Variants in GLP2R observed in about 807,000 individuals in gnomAD.
The protein encoded by GLP2R is glucagon-like peptide 2 receptor.
A neutral mutation model predicts 68.2 loss-of-function variants in GLP2R; 59 were observed. The observed-to-expected ratio is 0.87, with a 90% CI of 0.70 to 1.07. The LOEUF is 1.07. GLP2R is among the 50% of genes least tolerant of loss of function. GLP2R has a pLI of 0.00. For missense variants in GLP2R, 548 were observed against 677.4 expected (o/e 0.81, Z 2.12); for synonymous variants, 270 against 265.4 (o/e 1.02, Z -0.17).
In GLP2R at chr17:9,890,179, C is replaced by G; in HGVS notation, c.*474C>G. 2.5e-6 allele frequency: 1 copy of G among 395,520 alleles called. No homozygotes were observed. Among genetic ancestry groups the G allele is most frequent in the Non-Finnish European group, 5.0e-6 (1 of 201,136 alleles). The allele number at this position is 395,520 out of a possible 1,614,324, so 24.5% of individuals were successfully genotyped here. A position where few individuals can be genotyped will look rare whatever the true frequency, so the allele number is the denominator to read the frequency against. ...TAAGACAGTGAGTCTGGGACCATGGCCAGGAATTGGAGCTGTTTAATAAGC... is the reference window on the plus strand; with the variant it reads ...TAAGACAGTGAGTCTGGGACCATGGGCAGGAATTGGAGCTGTTTAATAAGC... On this transcript the variant is annotated 3_prime_UTR_variant, in exon 13 of 13. Transcript: ENST00000262441.
At chr17:9,884,587 T>G (rs1183088360) in intron 11 of GLP2R, among the ~76,000 whole-genome samples, 2 of 152,118 alleles carry the variant, frequency 1.3e-5, no homozygotes, top group African/African-American at 4.8e-5. Flanking sequence ...GTGCTGAGAT[T>G]TCGTACACAG....
At chr17:9,871,005 C>T (rs1266742983) in intron 10 of GLP2R, among the ~76,000 whole-genome samples, 170 bp downstream of exon 10, 1 of 152,082 alleles carries the variant, frequency 6.6e-6, no homozygotes, top group Non-Finnish European at 1.5e-5. Context: ...TGGTGAGGAC[C>T]TTCTATGACG....
In GLP2R at chr17:9,855,027, T is replaced by C. The variant is rs527964740; in HGVS notation, c.611+426T>C. ...AGCACATAATTTAAAACTCATGAACTATTTATTTAATTATTTATTTCTGGA... is the reference window on the plus strand; with the variant it reads ...AGCACATAATTTAAAACTCATGAACCATTTATTTAATTATTTATTTCTGGA... On this transcript the variant is annotated intron_variant, in intron 5 of 12. Coordinates refer to ENST00000262441, the MANE Select transcript of GLP2R (RefSeq NM_004246.3). Among the ~76,000 whole-genome samples the C allele has an allele frequency of 8.2e-5, 12 of 146,970 alleles. 1 individual carries two copies. In the East Asian group the frequency reaches 2.3e-3, roughly 28 times the overall value.
At chr17:9,843,658 T>G (rs748499315) in intron 4 of GLP2R, among the ~76,000 whole-genome samples, 2 of 152,244 alleles carry the variant, frequency 1.3e-5, no homozygotes, top group African/African-American at 4.8e-5. Flanking sequence ...CTCGTTGGAC[T>G]CTTGCTCTTC....
At chr17:9,844,446 C>A (rs186851018) in intron 4 of GLP2R, among the ~76,000 whole-genome samples, 1 of 151,762 alleles carries the variant, frequency 6.6e-6, no homozygotes, top group Admixed American at 6.6e-5. Flanking sequence ...AGGAAGAGAG[C>A]GCCCAGGGGT....
chr17:9,857,832 A>G (rs996540643), intron 6 of GLP2R, among the ~76,000 whole-genome samples: 1 of 152,246 alleles, frequency 6.6e-6, no homozygotes, highest in African/African-American at 2.4e-5. Flanking sequence ...ATGTGCAAAC[A>G]AAAGAATTGG....
intron 3 of GLP2R, among the ~76,000 whole-genome samples, chr17:9,839,655 G>C (rs1022815992): frequency 2.0e-5 from 3 of 152,224 alleles, no homozygotes; most frequent in South Asian, 2.1e-4. Context: ...TTCACATTCT[G>C]TCTCCCCAGC....
intron 4 of GLP2R, among the ~76,000 whole-genome samples, chr17:9,852,048 G>GTTTTTTTTT (rs1005336123): frequency 9.1e-6 from 1 of 109,458 alleles, no homozygotes; most frequent in African/African-American, 4.7e-5. Flanking sequence ...TATAGCATTT[G>GTTTTTTTTT]TTTTTTTTTT....
At chr17:9,857,150 G>A (rs1388481489) in intron 5 of GLP2R, among the ~76,000 whole-genome samples, 1 of 152,170 alleles carries the variant, frequency 6.6e-6, no homozygotes, top group Non-Finnish European at 1.5e-5. Context: ...TCGATCTCCT[G>A]ACGTCATGAT....
At chr17:9,871,309 G>A (rs1219161740) in intron 10 of GLP2R, among the ~76,000 whole-genome samples, 3 of 150,018 alleles carry the variant, frequency 2.0e-5, no homozygotes, top group African/African-American at 4.9e-5. Flanking sequence ...AGCCATGATT[G>A]TGCCACTGCA....
chr17:9,878,499 C>T (rs1008666050), intron 10 of GLP2R, among the ~76,000 whole-genome samples: 7 of 152,146 alleles, frequency 4.6e-5, no homozygotes, highest in Admixed American at 2.0e-4. Flanking sequence ...TGTTGCCTAG[C>T]GAAATGACTT....
intron 4 of GLP2R, among the ~76,000 whole-genome samples, chr17:9,844,668 CTTTTTTTTTTTTTTTTTTTTTTTTTT>C (rs71139004): frequency 4.5e-5 from 2 of 44,276 alleles, no homozygotes; most frequent in African/African-American, 7.1e-5. Flanking sequence ...CTACCTAATT[CTTTTTTTTTTTTTTTTTTTTTTTTTT>C]TTTTTTTTTT....
chr17:9,870,972 G>A (rs1484953804), intron 10 of GLP2R, 137 bp downstream of exon 10: 4 of 608,716 alleles, frequency 6.6e-6, no homozygotes, highest in South Asian at 4.1e-5. Context: ...AGGTGCTATA[G>A]GATCAAGTGA....
intron 9 of GLP2R, chr17:9,866,178 C>G (rs893984991): frequency 6.6e-6 from 2 of 303,668 alleles, no homozygotes; most frequent in African/African-American, 4.4e-5. Context: ...AGCCTGGGCT[C>G]TATGACTGAC....
At chr17:9,848,250 AT>A (rs11431304) in intron 4 of GLP2R, among the ~76,000 whole-genome samples, 1 of 151,786 alleles carries the variant, frequency 6.6e-6, no homozygotes, top group Non-Finnish European at 1.5e-5. Context: ...CAAACTGTGT[AT>A]TTTTTTTCTC....
chr17:9,862,065 G>A lies in GLP2R; in HGVS notation c.1031G>A (p.Arg344Gln), dbSNP rs2066992206. The A allele has an allele frequency of 2.5e-6, 4 of 1,613,514 alleles. No individual in the cohort carries two copies. Among genetic ancestry groups the A allele is most frequent in the Non-Finnish European group, 3.4e-6 (4 of 1,179,464 alleles). Residue 344 changes from arginine (R) to glutamine (Q), a missense_variant, in exon 9 of 13, where the codon CGA becomes CAA. Coordinates refer to ENST00000262441, the MANE Select transcript of GLP2R (RefSeq NM_004246.3). ...NGNKKIWWIIRGPMMLCVTVN... is the reference protein window; with the variant it reads ...NGNKKIWWIIQGPMMLCVTVN... ...AATAAGAAAATCTGGTGGATCATCC[G>A]AGGACCCATGATGCTCTGTGTAACA...
chr17:9,889,434 C>G lies in GLP2R; in HGVS notation c.1391C>G (p.Ala464Gly). The G allele has an allele frequency of 6.2e-7, 1 of 1,614,118 alleles. No homozygotes were observed. The highest frequency in any genetic ancestry group is 8.5e-7 in the Non-Finnish European group (1 of 1,179,924). ...CTAGCCCGCCACTCAGGCTGCAGAGCCTGTGTCCTGGGGAAGGACTTCCGG... is the reference window on the plus strand; with the variant it reads ...CTAGCCCGCCACTCAGGCTGCAGAGGCTGTGTCCTGGGGAAGGACTTCCGG... ...FLLARHSGCRACVLGKDFRFL... is the reference protein window; with the variant it reads ...FLLARHSGCRGCVLGKDFRFL... The change falls in exon 13 of 13, where the codon GCC (alanine) becomes GGC (glycine). Residue 464 changes from alanine to glycine, a missense_variant. Coordinates refer to ENST00000262441, the MANE Select transcript of GLP2R (RefSeq NM_004246.3).
intron 10 of GLP2R, among the ~76,000 whole-genome samples, chr17:9,875,403 C>T (rs907944240): frequency 3.3e-5 from 5 of 152,196 alleles, no homozygotes; most frequent in African/African-American, 1.2e-4. Flanking sequence ...ATATTTTATC[C>T]AAACTCTTGT....
chr17:9,859,084 T>A (rs2066960200), intron 6 of GLP2R, among the ~76,000 whole-genome samples: 2 of 152,198 alleles, frequency 1.3e-5, no homozygotes, highest in Non-Finnish European at 2.9e-5. Flanking sequence ...TTTTCTTTTT[T>A]AAAAAATGCA....
Sources: allele counts gnomAD v4.1 joint callset (sites outside exome capture counted in the v4.1 genomes callset), GRCh38; gene constraint gnomAD v4.1.1; transcripts MANE v1.5; gene names NCBI Gene and HGNC (gene_info 2026-07-23, HGNC 2026-07-21).